The following CACNA1C variants were observed in gnomAD, a reference collection of about 807,000 sequenced individuals.
CACNA1C encodes calcium voltage-gated channel subunit alpha1 C, also known as voltage-dependent L-type calcium channel subunit alpha-1C.
CACNA1C carries 30 observed loss-of-function variants against 229.0 expected under a neutral mutation model. The observed-to-expected ratio is 0.13, with a 90% CI of 0.10 to 0.18. The LOEUF is 0.18. CACNA1C is among the 10% of genes least tolerant of loss of function. The pLI is 1.00. For missense variants in CACNA1C, 1,658 were observed against 2,845.0 expected (o/e 0.58, Z 9.49); for synonymous variants, 1,114 against 1,132.5 (o/e 0.98, Z 0.33).
At chr12:2,179,329 G>C (rs1195939198) in intron 3 of CACNA1C, among the ~76,000 whole-genome samples, 1 of 152,182 alleles carries the variant, frequency 6.6e-6, no homozygotes, top group Non-Finnish European at 1.5e-5. Flanking sequence ...GACTTAGGAA[G>C]TGTTCCCTGG....
intron 3 of CACNA1C, among the ~76,000 whole-genome samples, chr12:2,159,241 C>T (rs916541872): frequency 6.6e-6 from 1 of 152,034 alleles, no homozygotes; most frequent in African/African-American, 2.4e-5. Flanking sequence ...TGCCTGTAAT[C>T]CCAGCAGTTT....
chr12:2,190,756 G>T (rs1008709804), intron 3 of CACNA1C, among the ~76,000 whole-genome samples: 1 of 152,182 alleles, frequency 6.6e-6, no homozygotes, highest in African/African-American at 2.4e-5. Context: ...ACAGAGTAAA[G>T]GTTAGTTTCT....
chr12:2,389,780 C>T (rs550439884), intron 3 of CACNA1C, among the ~76,000 whole-genome samples: 8 of 152,178 alleles, frequency 5.3e-5, no homozygotes, highest in East Asian at 1.9e-4. Context: ...TGTGTGTGCT[C>T]CTGCTGTGGT....
Position 2,189,009 on chromosome 12 carries a change from T to A in CACNA1C, c.477+68579T>A, listed in dbSNP as rs1164079482. Among the ~76,000 whole-genome samples, 4 of 142,078 alleles carry A rather than the reference T, an allele frequency of 2.8e-5. No individual in the cohort carries two copies. The East Asian group carries it at 8.2e-4, about 29-fold the overall frequency. 93.2% of individuals were successfully genotyped at this position (142,078 alleles called of 152,430 possible). A position where few individuals can be genotyped will look rare whatever the true frequency, so the allele number is the denominator to read the frequency against. On this transcript the variant is annotated intron_variant, in intron 3 of 46. Coordinates refer to ENST00000399655, the MANE Select transcript of CACNA1C (RefSeq NM_000719.7). Reference sequence around the variant, plus strand: ...TTGGGAGGCTGAGGCAGGAGAATGGTGTGAACCCAGGAGGCGGAGCTTGCA... The same window carrying A: ...TTGGGAGGCTGAGGCAGGAGAATGGAGTGAACCCAGGAGGCGGAGCTTGCA...
rs557712447 is a variant in CACNA1C, at chr12:2,208,494, G to A, written c.477+88064G>A. ...AGTGCCCGTTAGAGTGGATGCCGCC[G>A]GCTGAGGGAGCTGGCAGGCTCTGGA... On this transcript the variant is annotated intron_variant, in intron 3 of 46. Coordinates refer to ENST00000399655, the MANE Select transcript of CACNA1C (RefSeq NM_000719.7). 3.1e-3 allele frequency among the ~76,000 whole-genome samples: 476 copies of A among 152,220 alleles called. 2 individuals are homozygous for A. The highest frequency in any genetic ancestry group is 4.6e-3 in the Non-Finnish European group (311 of 68,014).
intron 30 of CACNA1C, among the ~76,000 whole-genome samples, chr12:2,643,651 A>T (rs888974879): frequency 5.9e-5 from 9 of 151,620 alleles, no homozygotes; most frequent in Non-Finnish European, 8.8e-5. Flanking sequence ...GCACCTCCCG[A>T]CTCCTCCTGA....
intron 1 of CACNA1C, among the ~76,000 whole-genome samples, chr12:2,040,379 C>G (rs2049880327): frequency 6.6e-6 from 1 of 152,128 alleles, no homozygotes; most frequent in African/African-American, 2.4e-5. Flanking sequence ...ATCTAACTAC[C>G]TCCCCTATAG....
intron 9 of CACNA1C, among the ~76,000 whole-genome samples, chr12:2,549,720 A>T (rs1371874349): frequency 6.6e-6 from 1 of 152,126 alleles, no homozygotes; most frequent in East Asian, 1.9e-4. Context: ...GTCCTCCCAT[A>T]CTTCCATTAG....
intron 3 of CACNA1C, among the ~76,000 whole-genome samples, chr12:2,282,362 C>T (rs551161209): frequency 2.0e-4 from 30 of 152,318 alleles, no homozygotes; most frequent in African/African-American, 7.0e-4. Flanking sequence ...ACTAGACAGC[C>T]CTAGCACACT....
In CACNA1C at chr12:2,682,594, A is replaced by G. The variant is rs1309689602; in HGVS notation, c.5489A>G (p.Glu1830Gly). 1.2e-6 allele frequency: 2 copies of G among 1,612,576 alleles called. No homozygotes were observed. The highest frequency in any genetic ancestry group is 4.5e-5 in the East Asian group (2 of 44,840). The stretch of plus-strand genomic sequence containing the variant: ...CAGGCAGCCATGGCGGGTCAGGAGG[A>G]GACGTCTCAGGATGAGACCTATGAA... ...ESQAAMAGQE[E>G]TSQDETYEVK... Residue 1830 changes from glutamate to glycine, a missense_variant, in exon 43 of 47, where the codon GAG becomes GGG. Glu to Gly is a moderately conservative substitution (Grantham distance 98). Transcript: ENST00000399655.
chr12:2,045,882 C>T lies in CACNA1C; in HGVS notation c.140-69342C>T, dbSNP rs928274323. Among the ~76,000 whole-genome samples the T allele has an allele frequency of 2.2e-3, 338 of 151,902 alleles. 5 individuals are homozygous for T. The highest frequency in any genetic ancestry group is 4.3e-4 in the Non-Finnish European group (29 of 67,992). On this transcript the variant is annotated intron_variant, in intron 1 of 46. Coordinates refer to the CACNA1C transcript ENST00000682462. ...TAACTTAAGAATTTTGAGATGAAGA[C>T]ATCGTCTGGGATTATCTGGGGAGCC...
chr12:2,276,579 A>G (rs1000179221), intron 3 of CACNA1C, among the ~76,000 whole-genome samples: 1 of 152,226 alleles, frequency 6.6e-6, no homozygotes, highest in Non-Finnish European at 1.5e-5. Context: ...TCCATGGAGT[A>G]TAGTGAGAAA....
At chr12:2,230,129 CTG>C (rs1318479663) in intron 3 of CACNA1C, among the ~76,000 whole-genome samples, 2 of 149,468 alleles carry the variant, frequency 1.3e-5, no homozygotes, top group Admixed American at 6.6e-5. Context: ...CCCTCGCTGA[CTG>C]TGCTCAGGAT....
At position 2,275,485 on chromosome 12, in the gene CACNA1C, C is replaced by G. The variant is rs927347923; in HGVS notation, c.477+155055C>G. On this transcript the variant is annotated intron_variant, in intron 3 of 46. Coordinates refer to ENST00000399655, the MANE Select transcript of CACNA1C (RefSeq NM_000719.7). This position sits in a 1 kb window ranked among gnomAD's most constrained non-coding sequence, Gnocchi z 4.1. ...CTAGCTCTCTCCTGGCCCCCTGTTC[C>G]ATCCCACATGCAGCCTCCGTCCACT... Among the ~76,000 whole-genome samples the G allele has an allele frequency of 6.6e-6, 1 of 152,104 alleles. No individual in the cohort carries two copies. The highest frequency in any genetic ancestry group is 1.5e-5 in the Non-Finnish European group (1 of 68,028).
intron 3 of CACNA1C, among the ~76,000 whole-genome samples, chr12:2,279,132 A>G (rs1566844378): frequency 1.3e-5 from 2 of 152,248 alleles, no homozygotes; most frequent in South Asian, 2.1e-4. Flanking sequence ...CTGGCTGGCT[A>G]TAAGTTTTTT....
intron 5 of CACNA1C, among the ~76,000 whole-genome samples, chr12:2,464,122 A>G (rs1271882916): frequency 2.0e-5 from 3 of 152,156 alleles, no homozygotes; most frequent in Non-Finnish European, 4.4e-5. Context: ...GATGAGAAAG[A>G]TGTGTAGGGT....
At chr12:2,070,990 CTCTCCTTCCTTCCTTCTCTT>C (rs1363907184) in intron 1 of CACNA1C, among the ~76,000 whole-genome samples, 6 of 125,804 alleles carry the variant, frequency 4.8e-5, no homozygotes, top group South Asian at 3.3e-4. Context: ...TTCCTTCTCT[CTCTCCTTCCTTCCTTCTCTT>C]TCTCCTTCCT....
intron 3 of CACNA1C, among the ~76,000 whole-genome samples, chr12:2,400,052 G>T (rs939095774): frequency 6.6e-6 from 1 of 152,178 alleles, no homozygotes; most frequent in Non-Finnish European, 1.5e-5. Flanking sequence ...GAAAGCAAGG[G>T]GGGTGTATTC....
chr12:2,053,236 C>T lies in CACNA1C; in HGVS notation c.-327C>T. 1.9e-6 allele frequency: 2 copies of T among 1,038,034 alleles called. No individual in the cohort carries two copies. Among genetic ancestry groups the T allele is most frequent in the Non-Finnish European group, 2.3e-6 (2 of 864,328 alleles). 64.3% of individuals were successfully genotyped at this position (1,038,034 alleles called of 1,614,324 possible). A position where few individuals can be genotyped will look rare whatever the true frequency, so the allele number is the denominator to read the frequency against. On this transcript the variant is annotated 5_prime_UTR_variant, in exon 1 of 47. Transcript: ENST00000399655. The surrounding 1 kb of genome is among the most constrained non-coding windows in gnomAD (Gnocchi z 5.8). ...CCCCTCCTCTCCGCCTCTTCTCGCC[C>T]TGCCTCTCCCGATTTATTTTTTCAA...
Sources: gnomAD v4.1 joint callset for allele counts (sites outside exome capture counted in the v4.1 genomes callset) on GRCh38, gnomAD v4.1.1 for gene constraint, Gnocchi (gnomAD v3.1) non-coding constraint, MANE v1.5 for transcripts, NCBI Gene and HGNC (gene_info 2026-07-23, HGNC 2026-07-21) for gene names.